CD300LF: variants seen among roughly 807,000 people sequenced by gnomAD.
CD300LF encodes CMRF35-like molecule 1.
Under a neutral mutation model 32.2 loss-of-function variants are expected in CD300LF, and 27 were observed. The observed-to-expected ratio is 0.84, with a 90% confidence interval of 0.62 to 1.15. The LOEUF is 1.15. Among genes scored for constraint, CD300LF ranks in the 50% most tolerant of loss-of-function variants. CD300LF has a pLI of 0.00. For synonymous variants in CD300LF, 139 were observed against 143.2 expected, an observed-to-expected ratio of 0.97 and a Z score of 0.21; for missense variants, 348 against 356.8, an observed-to-expected ratio of 0.98 and a Z score of 0.20.
rs1322832182 is a variant in CD300LF at position 74,704,741 on chromosome 17, C to T, written c.119G>A (p.Cys40Tyr). Residue 40 changes from cysteine to tyrosine, a missense_variant, in exon 2 of 7, where the codon TGT becomes TAT. By Grantham distance (194) the Cys-to-Tyr change is radical. Transcript: ENST00000326165. Reference sequence around the variant, plus strand: ...GGTCTCCCAGCCTGATCTGTAAACACACTGCACGGTCAAGGAGCCCCGCTC... The same window carrying T: ...GGTCTCCCAGCCTGATCTGTAAACATACTGCACGGTCAAGGAGCCCCGCTC... Reference protein sequence around the residue: ...GLERGSLTVQCVYRSGWETYL... With the variant: ...GLERGSLTVQYVYRSGWETYL... 1.2e-6 allele frequency: 2 copies of T among 1,614,212 alleles called. No individual in the cohort carries two copies. The highest frequency in any genetic ancestry group is 2.2e-5 in the South Asian group (2 of 91,084).
Position 74,712,842 on chromosome 17 carries a change from G to T in CD300LF, c.25C>A (p.Leu9Ile), listed in dbSNP as rs1470043669. The T allele has an allele frequency of 6.2e-7, 1 of 1,613,956 alleles. No individual in the cohort carries two copies. The highest frequency in any genetic ancestry group is 1.7e-5 in the Admixed American group (1 of 60,002). MPLLTLYL[L>I]LFWLSGYSIV... is the part of the protein sequence containing the mutation. Reference sequence around the variant, plus strand: ...CGCTCACCTGAGAGCCAGAAGAGGAGCAGGTAGAGTGTCAGCAGGGGCATC... The same window carrying T: ...CGCTCACCTGAGAGCCAGAAGAGGATCAGGTAGAGTGTCAGCAGGGGCATC... The change falls in exon 1 of 7, where the codon CTC becomes ATC. Residue 9 changes from leucine (L) to isoleucine (I), a missense_variant. Transcript: ENST00000326165.
At chr17:74,702,828 C>T (rs1461509341) in intron 3 of CD300LF, among the ~76,000 whole-genome samples, 2 of 152,214 alleles carry the variant, frequency 1.3e-5, no homozygotes, top group Non-Finnish European at 2.9e-5. Flanking sequence ...CTACAAACAG[C>T]ACTGAGCTGC....
chr17:74,696,119 C>A (rs377688088), intron 5 of CD300LF, 76 bp downstream of exon 5: 66 of 1,536,204 alleles, frequency 4.3e-5, no homozygotes, highest in Non-Finnish European at 5.5e-5. Flanking sequence ...TATTTTGGAC[C>A]TTCTGAGAGA....
chr17:74,697,363 G>A (rs1267405087), intron 4 of CD300LF, among the ~76,000 whole-genome samples: 1 of 152,130 alleles, frequency 6.6e-6, no homozygotes, highest in East Asian at 1.9e-4. Context: ...CAAAGAAATG[G>A]GGGGTTTTCC....
rs199990109 is a variant in CD300LF at position 74,704,696 on chromosome 17, C to T, written c.164G>A (p.Arg55Gln). Residue 55 changes from arginine (R) to glutamine (Q), a missense_variant, in exon 2 of 7, where the codon CGA (arginine) becomes CAA (glutamine). Coordinates refer to ENST00000326165, the MANE Select transcript of CD300LF (RefSeq NM_139018.5). ...CTTGCAGTCACGCCAAATAGCTCCT[C>T]GACACCACCACTTCAAGTAGGTCTC... is the stretch of plus-strand genomic sequence containing the variant. ...GWETYLKWWC[R>Q]GAIWRDCKIL... The T allele has an allele frequency of 2.1e-4, 338 of 1,614,198 alleles. 1 individual carries two copies. Among genetic ancestry groups the T allele is most frequent in the South Asian group, 7.4e-4 (67 of 91,084 alleles).
At chr17:74,705,095 G>A (rs553311300) in intron 1 of CD300LF, 24 of 657,578 alleles carry the variant, frequency 3.6e-5, no homozygotes, top group East Asian at 8.2e-5. Context: ...TCCACCCTAC[G>A]GCCAAGGTAA....
At chr17:74,705,807 C>A (rs989612102) in intron 1 of CD300LF, among the ~76,000 whole-genome samples, 1 of 152,118 alleles carries the variant, frequency 6.6e-6, no homozygotes, top group Non-Finnish European at 1.5e-5. Flanking sequence ...GTTGTCCAAG[C>A]TGGTCTCAAA....
intron 1 of CD300LF, among the ~76,000 whole-genome samples, chr17:74,712,151 A>G (rs939733950): frequency 2.6e-5 from 4 of 151,794 alleles, no homozygotes; most frequent in African/African-American, 9.7e-5. Flanking sequence ...AGCTCAAGCA[A>G]TCAGCCTCCC....
At chr17:74,700,778 G>C (rs2032976071) in intron 3 of CD300LF, among the ~76,000 whole-genome samples, 1 of 152,022 alleles carries the variant, frequency 6.6e-6, no homozygotes, top group Admixed American at 6.6e-5. Context: ...AAAAAAAACT[G>C]TTGTGGGCTG....
intron 3 of CD300LF, 96 bp from the exon 4 acceptor site, chr17:74,698,577 T>C: frequency 3.4e-6 from 5 of 1,491,452 alleles, no homozygotes; most frequent in Non-Finnish European, 4.5e-6. Context: ...GCCACACACC[T>C]GATGAGCTGC....
intron 3 of CD300LF, among the ~76,000 whole-genome samples, chr17:74,702,445 A>G (rs1035931451): frequency 3.3e-5 from 5 of 152,220 alleles, no homozygotes; most frequent in Non-Finnish European, 5.9e-5. Flanking sequence ...GGTTGTAGGA[A>G]AGGTCAAAGA....
chr17:74,709,074 A>G (rs923157858), intron 1 of CD300LF, among the ~76,000 whole-genome samples: 4 of 150,802 alleles, frequency 2.7e-5, no homozygotes, highest in Admixed American at 1.3e-4. Flanking sequence ...AATTCAAAAA[A>G]TTAGCTGGGC....
Position 74,703,976 on chromosome 17 carries a change from C to T in CD300LF, c.382+502G>A, listed in dbSNP as rs183445062. On this transcript the variant is annotated intron_variant, in intron 2 of 6. Coordinates refer to ENST00000326165, the MANE Select transcript of CD300LF (RefSeq NM_139018.5). Reference sequence around the variant, plus strand: ...GAATGCAGCCGTTTGACTGTGAAGACCTTTCTGGACTTGGGAATTAGACCC... The same window carrying T: ...GAATGCAGCCGTTTGACTGTGAAGATCTTTCTGGACTTGGGAATTAGACCC... Among the ~76,000 whole-genome samples the T allele has an allele frequency of 2.0e-5, 3 of 152,306 alleles. No individual in the cohort carries two copies. The East Asian group carries it at 5.8e-4, about 29-fold the overall frequency.
rs113793280 is a variant in CD300LF at position 74,694,835 on chromosome 17, A to T, written c.*261T>A. 8.4e-4 allele frequency: 308 copies of T among 368,522 alleles called. 1 individual carries two copies. The East Asian group carries it at 0.01, about 12-fold the overall frequency. The allele number at this position is 368,522 out of a possible 1,614,324, so 22.8% of individuals were successfully genotyped here. The stretch of plus-strand genomic sequence containing the variant: ...CATTTTTCTCATTATCATCTTCATC[A>T]TTCCCATGAAAGCCCCAGAGCATAT... On this transcript the variant is annotated 3_prime_UTR_variant, in exon 7 of 7. Transcript: ENST00000326165.
intron 1 of CD300LF, among the ~76,000 whole-genome samples, chr17:74,705,833 G>A (rs762705121): frequency 3.3e-5 from 5 of 152,110 alleles, no homozygotes; most frequent in Non-Finnish European, 7.4e-5. Context: ...GGGCTCAAGC[G>A]ATCCACCCAC....
intron 1 of CD300LF, chr17:74,705,386 T>C: frequency 1.6e-6 from 1 of 624,960 alleles, no homozygotes; most frequent in African/African-American, 1.8e-5. Context: ...TGCTATAGGA[T>C]CCATACAACA....
Position 74,706,945 on chromosome 17 carries a change from A to G in CD300LF, c.44-2129T>C, listed in dbSNP as rs78506255. ...AAACTCGACATCCACGTCCAGAAGAATGAAGCCGGACCTTTATCTCACAAC... is the reference window on the plus strand; with the variant it reads ...AAACTCGACATCCACGTCCAGAAGAGTGAAGCCGGACCTTTATCTCACAAC... On this transcript the variant is annotated intron_variant, in intron 1 of 6. Coordinates refer to ENST00000326165, the MANE Select transcript of CD300LF (RefSeq NM_139018.5). Among the ~76,000 whole-genome samples the G allele has an allele frequency of 2.8e-4, 42 of 152,366 alleles. No homozygotes were observed. In the East Asian group the frequency reaches 7.9e-3, roughly 29 times the overall value.
At chr17:74,705,608 G>C (rs1328210008) in intron 1 of CD300LF, among the ~76,000 whole-genome samples, 10 of 151,352 alleles carry the variant, frequency 6.6e-5, no homozygotes. Flanking sequence ...TTTTGAAACA[G>C]GCTCTCACTC....
intron 1 of CD300LF, among the ~76,000 whole-genome samples, chr17:74,712,042 G>C (rs927657861): frequency 6.6e-6 from 1 of 150,886 alleles, no homozygotes; most frequent in East Asian, 2.0e-4. Context: ...CTCCCAAGTA[G>C]CTGGGACCAT....
Sources: gnomAD v4.1 joint callset for allele counts (sites outside exome capture counted in the v4.1 genomes callset) on GRCh38, gnomAD v4.1.1 for gene constraint, MANE v1.5 for transcripts, NCBI Gene and HGNC (gene_info 2026-07-23, HGNC 2026-07-21) for gene names.